Variants in PXN observed in about 807,000 individuals in gnomAD.
PXN encodes the protein testicular tissue protein Li 134.
A neutral mutation model predicts 103.6 loss-of-function variants in PXN; 61 were observed. The ratio of observed to expected loss-of-function variants is 0.59; its 90% confidence interval spans 0.48 to 0.73. PXN has a LOEUF of 0.73. Ranked by LOEUF, PXN falls within the 30% of genes least tolerant of loss-of-function variation. PXN has a pLI of 0.00. For synonymous variants in PXN, 562 were observed against 607.8 expected, an observed-to-expected ratio of 0.92 and a Z score of 1.11; for missense variants, 1,274 against 1,460.3, an observed-to-expected ratio of 0.87 and a Z score of 2.08.
At chr12:120,248,659 T>C (rs1474322987) in intron 1 of PXN, 2 of 152,176 alleles carry the variant, frequency 1.3e-5, no homozygotes, top group African/African-American at 4.8e-5. Flanking sequence ...CGACAGTCAC[T>C]GAATCCAATC....
chr12:120,227,363 T>C (rs996286904), intron 1 of PXN, among the ~76,000 whole-genome samples: 1 of 152,112 alleles, frequency 6.6e-6, no homozygotes, highest in Non-Finnish European at 1.5e-5. Flanking sequence ...TAGCTGGGTG[T>C]GGTGATATGC....
intron 1 of PXN, among the ~76,000 whole-genome samples, chr12:120,253,624 G>A (rs1594519527): frequency 6.6e-6 from 1 of 152,160 alleles, no homozygotes; most frequent in East Asian, 1.9e-4. Context: ...TCCTCTGAAA[G>A]TAGAAAATAA....
chr12:120,229,914 C>T lies in PXN; in HGVS notation c.14-5537G>A, dbSNP rs1887663379. Among the ~76,000 whole-genome samples, 1 of 152,166 alleles carries T rather than the reference C, an allele frequency of 6.6e-6. No individual in the cohort carries two copies. Among genetic ancestry groups the T allele is most frequent in the South Asian group, 2.1e-4 (1 of 4,836 alleles). Reference sequence around the variant, plus strand: ...CAGCGCCAGGGCCCCGTGGTCCCTGCCCACCTTTGCCATTCTGGACTCCTC... The same window carrying T: ...CAGCGCCAGGGCCCCGTGGTCCCTGTCCACCTTTGCCATTCTGGACTCCTC... On this transcript the variant is annotated intron_variant, in intron 1 of 14. Coordinates refer to ENST00000637617, the MANE Select transcript of PXN (RefSeq NM_001385981.1). This position sits in a 1 kb window ranked among gnomAD's most constrained non-coding sequence, Gnocchi z 4.0.
Position 120,213,375 on chromosome 12 carries a change from G to A in PXN, c.2979+467C>T, listed in dbSNP as rs887821573. Among the ~76,000 whole-genome samples the A allele has an allele frequency of 5.3e-5, 8 of 149,650 alleles. No homozygotes were observed. The highest frequency in any genetic ancestry group is 2.2e-4 in the East Asian group (1 of 4,580). On this transcript the variant is annotated intron_variant, in intron 14 of 14. Transcript: ENST00000637617. The surrounding 1 kb of genome is among the most constrained non-coding windows in gnomAD (Gnocchi z 4.2). The stretch of plus-strand genomic sequence containing the variant: ...AGTCTGGGCAACAGAGTGAGACTCC[G>A]TCTCAAAAAAAGAAAAGAAAAGAAA...
rs989767813 is a variant in PXN at position 120,265,298 on chromosome 12, G to C, written c.13+319C>G. Among the ~76,000 whole-genome samples, 11 of 152,096 alleles carry C rather than the reference G, an allele frequency of 7.2e-5. No individual in the cohort carries two copies. The highest frequency in any genetic ancestry group is 3.9e-4 in the East Asian group (2 of 5,158). ...AGGAAGTCTCGTCCCTGCAGCGGAC[G>C]GGGTGGGTCCCTGAGGGGCGGGCTG... On this transcript the variant is annotated intron_variant, in intron 1 of 14. Transcript: ENST00000637617. The surrounding 1 kb of genome is among the most constrained non-coding windows in gnomAD (Gnocchi z 5.7).
At position 120,216,182 on chromosome 12, in the gene PXN, A is replaced by G. The variant is rs530727057; in HGVS notation, c.2301+91T>C. ...ATGGAGGGATGGAGGGTATCTGTGT[A>G]TGTGTGTGTGCACGTGTGTGTGTGC... is the stretch of plus-strand genomic sequence containing the variant. On this transcript the variant is annotated intron_variant, in intron 9 of 14. Transcript: ENST00000637617. The surrounding 1 kb of genome is among the most constrained non-coding windows in gnomAD (Gnocchi z 5.1). 59 of 1,274,234 alleles carry G rather than the reference A, an allele frequency of 4.6e-5. No homozygotes were observed. Among genetic ancestry groups the G allele is most frequent in the Admixed American group, 1.5e-4 (4 of 26,028 alleles). The allele number at this position is 1,274,234 out of a possible 1,614,324, so 78.9% of individuals were successfully genotyped here.
In PXN at chr12:120,213,958, G is replaced by A. The variant is rs200828118; in HGVS notation, c.2863C>T (p.Arg955Cys). The A allele has an allele frequency of 6.9e-5, 112 of 1,612,622 alleles. No homozygotes were observed. The highest frequency in any genetic ancestry group is 1.1e-4 in the East Asian group (5 of 44,884). ...GCGAACATGTCGAAGTAGTCCTTGCGACAGTAGGCCTTGCCGTCCTTCTCG... is the reference window on the plus strand; with the variant it reads ...GCGAACATGTCGAAGTAGTCCTTGCAACAGTAGGCCTTGCCGTCCTTCTCG... Reference protein sequence around the residue: ...FHEKDGKAYCRKDYFDMFAPK... With the variant: ...FHEKDGKAYCCKDYFDMFAPK... The change falls in exon 14 of 15, where the codon CGC (arginine) becomes TGC (cysteine). Residue 955 changes from arginine to cysteine, a missense_variant. This residue lies in a region of PXN where 1,178 missense variants were observed against 1,309.0 expected (regional missense o/e 0.90). Transcript: ENST00000637617. The surrounding 1 kb of genome is among the most constrained non-coding windows in gnomAD (Gnocchi z 4.2).
chr12:120,215,879 G>C lies in PXN; in HGVS notation c.2302-218C>G. The C allele has an allele frequency of 1.5e-6, 2 of 1,352,054 alleles. No homozygotes were observed. The highest frequency in any genetic ancestry group is 3.5e-5 in the South Asian group (2 of 56,390). 83.8% of individuals were successfully genotyped at this position (1,352,054 alleles called of 1,614,324 possible). ...AGGACAGGGAGGGGAGTCGACCAAA[G>C]GCAGAGGAAATGGCAAGGGGAGGTG... On this transcript the variant is annotated intron_variant, in intron 9 of 14. Transcript: ENST00000637617. The surrounding 1 kb of genome is among the most constrained non-coding windows in gnomAD (Gnocchi z 4.9).
intron 1 of PXN, among the ~76,000 whole-genome samples, chr12:120,262,227 G>A (rs1164882150): frequency 6.6e-6 from 1 of 152,228 alleles, no homozygotes; most frequent in African/African-American, 2.4e-5. Context: ...CTGAGAAGCT[G>A]AAAGAAGACA....
chr12:120,252,201 C>T (rs561209263), intron 1 of PXN, among the ~76,000 whole-genome samples: 23 of 152,208 alleles, frequency 1.5e-4, no homozygotes, highest in African/African-American at 5.1e-4. Context: ...CAGTTCATAC[C>T]CATTTAATCA....
Position 120,222,174 on chromosome 12 carries a change from A to G in PXN, c.695+375T>C, listed in dbSNP as rs1436446151. ...ACATGGATTACTGGTTCTCACCCTT[A>G]CTGAGGTAGGTGGTCTTATCCCAGT... On this transcript the variant is annotated intron_variant, in intron 5 of 14. Transcript: ENST00000637617. The surrounding 1 kb of genome is among the most constrained non-coding windows in gnomAD (Gnocchi z 4.7). Among the ~76,000 whole-genome samples the G allele has an allele frequency of 6.6e-6, 1 of 152,162 alleles. No homozygotes were observed. Among genetic ancestry groups the G allele is most frequent in the Non-Finnish European group, 1.5e-5 (1 of 68,012 alleles).
chr12:120,216,430 G>A lies in PXN; in HGVS notation c.2144C>T (p.Pro715Leu). Residue 715 changes from proline to leucine, a missense_variant, in exon 9 of 15, where the codon CCC becomes CTC. Physicochemically the swap from Pro to Leu is moderately conservative, Grantham distance 98 (BLOSUM62 -3). Transcript: ENST00000637617. This position sits in a 1 kb window ranked among gnomAD's most constrained non-coding sequence, Gnocchi z 5.1. ...PSLLASSPLGPSAYTCGSSGV... is the reference protein window; with the variant it reads ...PSLLASSPLGLSAYTCGSSGV... Reference sequence around the variant, plus strand: ...AGAAGAACCACAGGTATAAGCTGAGGGCCCCAGGGGGGAGGAGGCGAGCAG... The same window carrying A: ...AGAAGAACCACAGGTATAAGCTGAGAGCCCCAGGGGGGAGGAGGCGAGCAG... The A allele has an allele frequency of 7.3e-7, 1 of 1,373,428 alleles. No homozygotes were observed. The highest frequency in any genetic ancestry group is 9.3e-7 in the Non-Finnish European group (1 of 1,072,422). The allele number at this position is 1,373,428 out of a possible 1,614,324, so 85.1% of individuals were successfully genotyped here. A position where few individuals can be genotyped will look rare whatever the true frequency, so the allele number is the denominator to read the frequency against.
intron 1 of PXN, among the ~76,000 whole-genome samples, chr12:120,235,669 T>C (rs1401031496): frequency 6.6e-6 from 1 of 152,130 alleles, no homozygotes; most frequent in Non-Finnish European, 1.5e-5. Flanking sequence ...CTCTTTTCTT[T>C]CTGCCTCCTC....
chr12:120,237,597 G>A (rs937085466), intron 1 of PXN, among the ~76,000 whole-genome samples: 5 of 152,084 alleles, frequency 3.3e-5, no homozygotes, highest in Admixed American at 2.0e-4. Context: ...AGATGGTCAC[G>A]AGTGCTGAGA....
intron 1 of PXN, among the ~76,000 whole-genome samples, chr12:120,252,998 C>CAAAAAAAAA (rs1254384939): frequency 2.0e-5 from 1 of 49,812 alleles, no homozygotes; most frequent in Non-Finnish European, 4.4e-5. Context: ...GACTCTGTCT[C>CAAAAAAAAA]AAAAAAAAAA....
rs573240975 is a variant in PXN, at chr12:120,224,537, G to A, written c.14-160C>T. 1.2e-5 allele frequency: 9 copies of A among 733,210 alleles called. No individual in the cohort carries two copies. The highest frequency in any genetic ancestry group is 6.9e-5 in the African/African-American group (4 of 58,088). The allele number at this position is 733,210 out of a possible 1,614,324, so 45.4% of individuals were successfully genotyped here. A position where few individuals can be genotyped will look rare whatever the true frequency, so the allele number is the denominator to read the frequency against. ...CTTGGGACAGGAAGCCACCAGCCCC[G>A]ACCAGCCTAACCAAGAGCCGGCTCC... On this transcript the variant is annotated intron_variant, in intron 1 of 14. Transcript: ENST00000637617. This position sits in a 1 kb window ranked among gnomAD's most constrained non-coding sequence, Gnocchi z 5.0.
rs1453634597 is a variant in PXN at position 120,265,258 on chromosome 12, G to A, written c.13+359C>T. Among the ~76,000 whole-genome samples the A allele has an allele frequency of 6.6e-6, 1 of 152,022 alleles. No homozygotes were observed. Among genetic ancestry groups the A allele is most frequent in the African/African-American group, 2.4e-5 (1 of 41,386 alleles). ...GCGAGGTGAGGGTCCCGTAGCTGAC[G>A]AGGTGGTCTGCCGCAGGAAGTCTCG... On this transcript the variant is annotated intron_variant, in intron 1 of 14. Transcript: ENST00000637617. The surrounding 1 kb of genome is among the most constrained non-coding windows in gnomAD (Gnocchi z 5.7).
rs746826898 is a variant in PXN at position 120,215,521 on chromosome 12, CACG to C, written c.2403+36_2403+38del. ...CAGGCATGGCCAAGCCCAGGGAGAG[CACG>C]ACACGCAGGACACCCAGCCCAGCCT... On this transcript the variant is annotated intron_variant, in intron 10 of 14. Coordinates refer to ENST00000637617, the MANE Select transcript of PXN (RefSeq NM_001385981.1). The surrounding 1 kb of genome is among the most constrained non-coding windows in gnomAD (Gnocchi z 4.9). The C allele has an allele frequency of 6.5e-7, 1 of 1,538,444 alleles. No homozygotes were observed. Among genetic ancestry groups the C allele is most frequent in the East Asian group, 2.3e-5 (1 of 43,984 alleles).
At position 120,222,033 on chromosome 12, in the gene PXN, A is replaced by G. The variant is rs1226521150; in HGVS notation, c.696-275T>C. Among the ~76,000 whole-genome samples, 1 of 152,094 alleles carries G rather than the reference A, an allele frequency of 6.6e-6. No individual in the cohort carries two copies. The highest frequency in any genetic ancestry group is 1.5e-5 in the Non-Finnish European group (1 of 68,004). ...AAGCGCCCTGTGTTTCCTCCACAACACTGGACATGGAGGTGAGGCTACTGC... is the reference window on the plus strand; with the variant it reads ...AAGCGCCCTGTGTTTCCTCCACAACGCTGGACATGGAGGTGAGGCTACTGC... On this transcript the variant is annotated intron_variant, in intron 5 of 14. Transcript: ENST00000637617. This position sits in a 1 kb window ranked among gnomAD's most constrained non-coding sequence, Gnocchi z 4.7.
Sources: gnomAD v4.1 joint callset for allele counts (sites outside exome capture counted in the v4.1 genomes callset) on GRCh38, gnomAD v4.1.1 for gene constraint, gnomAD v4.1.1 regional missense constraint, Gnocchi (gnomAD v3.1) non-coding constraint, MANE v1.5 for transcripts, NCBI Gene and HGNC (gene_info 2026-07-23, HGNC 2026-07-21) for gene names.